Variants in MOK observed in about 807,000 individuals in gnomAD.
The protein encoded by MOK is MOK protein kinase.
In MOK, 59 loss-of-function variants were observed where a neutral mutation model predicts 54.2. The ratio of observed to expected loss-of-function variants is 1.09; its 90% confidence interval spans 0.88 to 1.35. MOK has a LOEUF of 1.35. MOK is among the 40% of genes most tolerant of loss of function. The pLI, the probability that MOK is intolerant of heterozygous loss-of-function variation, is 0.00. For missense variants in MOK, 517 were observed against 526.2 expected (o/e 0.98, Z 0.17); for synonymous variants, 210 against 202.7 (o/e 1.04, Z -0.31).
rs975347163 is a variant in MOK at position 102,265,699 on chromosome 14, A to G, written c.212+124T>C. The G allele has an allele frequency of 1.0e-5, 7 of 674,282 alleles. No homozygotes were observed. In the African/African-American group the frequency reaches 1.3e-4, roughly 12 times the overall value. The allele number at this position is 674,282 out of a possible 1,614,324, so 41.8% of individuals were successfully genotyped here. On this transcript the variant is annotated intron_variant, in intron 3 of 11. Transcript: ENST00000361847. ...CAAATAAAAATGTGATGTAAGATGAAGTAAAAATGGTTACTCTCTGAGCTA... is the reference window on the plus strand; with the variant it reads ...CAAATAAAAATGTGATGTAAGATGAGGTAAAAATGGTTACTCTCTGAGCTA...
intron 6 of MOK, 119 bp downstream of exon 6, chr14:102,251,637 A>G (rs1316917722): frequency 2.5e-6 from 2 of 813,202 alleles, no homozygotes; most frequent in African/African-American, 1.7e-5. Flanking sequence ...TTACTGTAAC[A>G]AACAGGCTGT....
the MOK span, among the ~76,000 whole-genome samples, chr14:102,215,319 A>G: frequency 6.6e-6 from 1 of 152,228 alleles, no homozygotes; most frequent in South Asian, 2.1e-4. Flanking sequence ...GAATGCAGAC[A>G]TTCTGAAGTC....
intron 1 of MOK, among the ~76,000 whole-genome samples, chr14:102,287,321 T>TGGCCAGGCACA (rs1184122262): frequency 6.6e-6 from 1 of 151,912 alleles, no homozygotes; most frequent in African/African-American, 2.4e-5. Context: ...ATACAAAACT[T>TGGCCAGGCACA]GGCCAGGCAC....
chr14:102,283,942 G>A (rs1324905008), intron 1 of MOK, among the ~76,000 whole-genome samples: 1 of 152,152 alleles, frequency 6.6e-6, no homozygotes, highest in African/African-American at 2.4e-5. Flanking sequence ...GCTCTGGGCT[G>A]ATGTCATATT....
the MOK span, among the ~76,000 whole-genome samples, chr14:102,218,693 GTGAC>G: frequency 1.1e-4 from 17 of 152,022 alleles, no homozygotes; most frequent in South Asian, 3.1e-3. Flanking sequence ...GAATAAAACA[GTGAC>G]TCTGCGGGGA....
intron 7 of MOK, among the ~76,000 whole-genome samples, chr14:102,241,937 G>A (rs1315875487): frequency 6.6e-6 from 1 of 152,168 alleles, no homozygotes; most frequent in African/African-American, 2.4e-5. Context: ...GCCAAGAAAT[G>A]CCCACAGCCC....
chr14:102,219,980 C>T (rs905521472), downstream of MOK, among the ~76,000 whole-genome samples: 1 of 152,244 alleles, frequency 6.6e-6, no homozygotes, highest in Non-Finnish European at 1.5e-5. Flanking sequence ...GGCATCAAGG[C>T]GTTAGCCAGC....
chr14:102,247,616 A>G (rs1020850729), intron 7 of MOK, among the ~76,000 whole-genome samples: 50 of 152,228 alleles, frequency 3.3e-4, no homozygotes, highest in Non-Finnish European at 5.0e-4. Flanking sequence ...GATAGCTTGG[A>G]AGAGATAGCC....
Position 102,232,109 on chromosome 14 carries a change from G to A in MOK, c.867-288C>T. On this transcript the variant is annotated intron_variant, in intron 9 of 11. Transcript: ENST00000361847. This position sits in a 1 kb window ranked among gnomAD's most constrained non-coding sequence, Gnocchi z 5.1. The stretch of plus-strand genomic sequence containing the variant: ...GTTAGGCAAACAGGAGTGTCCAGAG[G>A]TCCGGAATTAGGTGACCTCAGGGCA... The A allele has an allele frequency of 5.1e-6, 2 of 395,976 alleles. No homozygotes were observed. The highest frequency in any genetic ancestry group is 9.0e-6 in the Non-Finnish European group (2 of 221,488). 24.5% of individuals were successfully genotyped at this position (395,976 alleles called of 1,614,324 possible).
chr14:102,284,383 G>A (rs931628597), intron 1 of MOK, among the ~76,000 whole-genome samples: 3 of 151,912 alleles, frequency 2.0e-5, no homozygotes, highest in Non-Finnish European at 2.9e-5. Context: ...CCCAGTGTCC[G>A]CTGAGCCTGC....
downstream of MOK, chr14:102,226,076 TG>T: frequency 1.9e-6 from 1 of 533,498 alleles, no homozygotes; most frequent in East Asian, 3.4e-5. The surrounding 1 kb of genome is among the most constrained non-coding windows in gnomAD (Gnocchi z 4.8). Context: ...GCAGAGCAGA[TG>T]GGAGGTCACG....
chr14:102,220,262 A>G (rs1743371279), downstream of MOK, among the ~76,000 whole-genome samples: 1 of 152,184 alleles, frequency 6.6e-6, no homozygotes, highest in Non-Finnish European at 1.5e-5. This position sits in a 1 kb window ranked among gnomAD's most constrained non-coding sequence, Gnocchi z 4.2. Flanking sequence ...GCTGTCCCTC[A>G]TGGCCGTCAG....
chr14:102,299,584 G>A (rs1311316554), intron 1 of MOK, among the ~76,000 whole-genome samples: 1 of 152,030 alleles, frequency 6.6e-6, no homozygotes, highest in Non-Finnish European at 1.5e-5. Context: ...AACTTCTCTG[G>A]GTTTTTGTTT....
At chr14:102,297,649 G>GGAGGTGTGGAGGAAGAGGCACCGC (rs1400460140) in intron 1 of MOK, among the ~76,000 whole-genome samples, 1 of 152,200 alleles carries the variant, frequency 6.6e-6, no homozygotes, top group Non-Finnish European at 1.5e-5. Context: ...CAGCTTGCGG[G>GGAGGTGTGGAGGAAGAGGCACCGC]GAGGTGTGGA....
chr14:102,287,617 GAAATGATGCTCAACATCATCAGTCA>G (rs1183134995), intron 1 of MOK, among the ~76,000 whole-genome samples: 1 of 152,122 alleles, frequency 6.6e-6, no homozygotes. Context: ...AATAAGCTAT[GAAATGATGCTCAACATCATCAGTCA>G]TTAGGGAAAA....
downstream of MOK, chr14:102,224,386 T>C: frequency 2.8e-6 from 1 of 355,304 alleles, no homozygotes; most frequent in Non-Finnish European, 5.5e-6. Context: ...CGTGAGCATC[T>C]GAGTTTAGGG....
At chr14:102,267,578 A>T (rs145002043) in intron 2 of MOK, among the ~76,000 whole-genome samples, 1,529 of 152,270 alleles carry the variant, frequency 0.01, 27 homozygotes, top group African/African-American at 0.035. Context: ...AAAATAAATA[A>T]ATAAATATGT....
chr14:102,297,129 G>A (rs1400637398), intron 1 of MOK, among the ~76,000 whole-genome samples: 1 of 151,686 alleles, frequency 6.6e-6, no homozygotes, highest in East Asian at 1.9e-4. Context: ...AGGCCAAGGT[G>A]GGCAGATCAC....
chr14:102,282,272 T>A (rs2069521142), intron 2 of MOK, among the ~76,000 whole-genome samples: 1 of 152,058 alleles, frequency 6.6e-6, no homozygotes, highest in Non-Finnish European at 1.5e-5. Flanking sequence ...AATTAAAAAA[T>A]GAAGGCTGGG....
Sources: gnomAD v4.1 joint callset for allele counts (sites outside exome capture counted in the v4.1 genomes callset) on GRCh38, gnomAD v4.1.1 for gene constraint, Gnocchi (gnomAD v3.1) non-coding constraint, MANE v1.5 for transcripts, NCBI Gene and HGNC (gene_info 2026-07-23, HGNC 2026-07-21) for gene names.